The following DCPH1 variants were observed in gnomAD, a reference collection of about 807,000 sequenced individuals.
DCPH1 encodes the protein damage-control phosphatase 1.
chr6:151,463,962 T>G, the DCPH1 span, among the ~76,000 whole-genome samples: 1 of 152,212 alleles, frequency 6.6e-6, no homozygotes, highest in Non-Finnish European at 1.5e-5. Context: ...AAACTTACAA[T>G]AGTATTGTCT....
the DCPH1 span, chr6:151,454,533 G>A: frequency 8.2e-7 from 1 of 1,225,312 alleles, no homozygotes; most frequent in Non-Finnish European, 1.2e-6. Flanking sequence ...TATATTGCAT[G>A]TGACTCTTTT....
At chr6:151,454,419 A>G in the DCPH1 span, 2 of 609,138 alleles carry the variant, frequency 3.3e-6, no homozygotes, top group Non-Finnish European at 5.9e-6. Flanking sequence ...GTAATCATAC[A>G]ATACTTGTCT....
the DCPH1 span, among the ~76,000 whole-genome samples, chr6:151,460,331 G>C: frequency 6.6e-6 from 1 of 151,832 alleles, no homozygotes; most frequent in East Asian, 2.0e-4. Context: ...TCGAACTCCT[G>C]ACCTCAGGTG....
the DCPH1 span, among the ~76,000 whole-genome samples, chr6:151,464,210 C>T: frequency 5.9e-5 from 9 of 152,178 alleles, no homozygotes; most frequent in Non-Finnish European, 1.2e-4. Flanking sequence ...GTCACTATCA[C>T]TATTTAATAT....
At chr6:151,454,481 C>G in the DCPH1 span, 26 of 782,204 alleles carry the variant, frequency 3.3e-5, no homozygotes, top group Non-Finnish European at 5.4e-5. Context: ...GTTCCAGAAA[C>G]TAAAAGATAG....
At chr6:151,464,431 CTT>C in the DCPH1 span, 4 of 1,571,846 alleles carry the variant, frequency 2.5e-6, no homozygotes, top group African/African-American at 4.1e-5. Context: ...AAATGTTTCA[CTT>C]TGTTTTTCTC....
At chr6:151,462,402 T>C in the DCPH1 span, among the ~76,000 whole-genome samples, 2 of 152,210 alleles carry the variant, frequency 1.3e-5, no homozygotes, top group Non-Finnish European at 2.9e-5. Flanking sequence ...GTTTTGCCTG[T>C]TTTTTAACTT....
At chr6:151,462,964 CGAACCT>C in the DCPH1 span, among the ~76,000 whole-genome samples, 1 of 152,188 alleles carries the variant, frequency 6.6e-6, no homozygotes, top group Non-Finnish European at 1.5e-5. Context: ...TTGCAGCTGC[CGAACCT>C]GCCATTGTCG....
At chr6:151,462,575 G>A in the DCPH1 span, among the ~76,000 whole-genome samples, 1 of 151,798 alleles carries the variant, frequency 6.6e-6, no homozygotes, top group African/African-American at 2.4e-5. Flanking sequence ...TGTTTACTTC[G>A]TTGTGATGGA....
At chr6:151,461,455 G>T in the DCPH1 span, among the ~76,000 whole-genome samples, 1 of 152,154 alleles carries the variant, frequency 6.6e-6, no homozygotes, top group Non-Finnish European at 1.5e-5. Flanking sequence ...TGGATCTCCC[G>T]AGGTCAGGAG....
At chr6:151,466,842 G>A in the DCPH1 span, among the ~76,000 whole-genome samples, 1 of 152,084 alleles carries the variant, frequency 6.6e-6, no homozygotes, top group Non-Finnish European at 1.5e-5. Flanking sequence ...AGGCCATCGT[G>A]GACACCATTG....
chr6:151,459,974 A>G, the DCPH1 span, among the ~76,000 whole-genome samples: 1 of 152,232 alleles, frequency 6.6e-6, no homozygotes, highest in South Asian at 2.1e-4. Flanking sequence ...CTAATTGTAA[A>G]ATAAAATTAT....
At chr6:151,459,458 T>A in the DCPH1 span, among the ~76,000 whole-genome samples, 18 of 152,310 alleles carry the variant, frequency 1.2e-4, no homozygotes, top group African/African-American at 4.3e-4. Flanking sequence ...CTAGGCTTGT[T>A]TATATTATTT....
the DCPH1 span, among the ~76,000 whole-genome samples, chr6:151,456,258 G>A: frequency 1.8e-4 from 28 of 152,292 alleles, no homozygotes; most frequent in South Asian, 8.3e-4. Context: ...CTGTAAAAGA[G>A]CATACATATA....
the DCPH1 span, among the ~76,000 whole-genome samples, chr6:151,464,246 AC>A: frequency 6.6e-6 from 1 of 150,904 alleles, no homozygotes; most frequent in East Asian, 2.0e-4. Context: ...TGATTTGGGA[AC>A]TTTTTTGACA....
At chr6:151,464,482 A>C in the DCPH1 span, 3 of 1,609,092 alleles carry the variant, frequency 1.9e-6, no homozygotes, top group East Asian at 6.7e-5. Flanking sequence ...GATGTATTTA[A>C]AGAATCAAAA....
the DCPH1 span, among the ~76,000 whole-genome samples, chr6:151,453,576 G>GT: frequency 1.3e-5 from 2 of 152,226 alleles, no homozygotes; most frequent in Admixed American, 6.5e-5. Context: ...AGTGTGTGCA[G>GT]TTTTTTTCTT....
the DCPH1 span, among the ~76,000 whole-genome samples, chr6:151,461,178 T>G: frequency 6.6e-6 from 1 of 152,226 alleles, no homozygotes; most frequent in African/African-American, 2.4e-5. Flanking sequence ...GAGCCAAAGC[T>G]GCCAAAGTGT....
chr6:151,454,670 CTT>C, the DCPH1 span: 2 of 1,265,914 alleles, frequency 1.6e-6, no homozygotes, highest in Non-Finnish European at 2.3e-6. Context: ...ATTGTTTTAA[CTT>C]TTAATTTTTT....
Sources: gnomAD v4.1 joint callset for allele counts (sites outside exome capture counted in the v4.1 genomes callset) on GRCh38, gnomAD v4.1.1 for gene constraint, MANE v1.5 for transcripts, NCBI Gene and HGNC (gene_info 2026-07-23, HGNC 2026-07-21) for gene names.